The following UNC13A variants were observed in gnomAD, a reference collection of about 807,000 sequenced individuals.
UNC13A encodes unc-13 homolog A.
UNC13A carries 61 observed loss-of-function variants against 219.7 expected under a neutral mutation model. The observed-to-expected ratio is 0.28, with a 90% CI of 0.23 to 0.34. The LOEUF (loss-of-function observed/expected upper bound fraction) is 0.34, where lower values mean the gene tolerates loss of function less well. Ranked by LOEUF, UNC13A falls within the 10% of genes least tolerant of loss-of-function variation. The pLI, the probability that UNC13A is intolerant of heterozygous loss-of-function variation, is 1.00. For missense variants in UNC13A, 1,476 were observed against 2,270.3 expected, an observed-to-expected ratio of 0.65 and a Z score of 7.11; for synonymous variants, 920 against 884.6, an observed-to-expected ratio of 1.04 and a Z score of -0.71.
intron 35 of UNC13A, 85 bp downstream of exon 35, chr19:17,624,744 C>T (rs1479125426): frequency 2.0e-6 from 3 of 1,498,666 alleles, no homozygotes; most frequent in Middle Eastern, 2.3e-4. Context: ...TTTGTTCTTA[C>T]CCCCCAGCCT....
intron 20 of UNC13A, 62 bp from the exon 21 acceptor site, chr19:17,641,618 C>T (rs1351580661): frequency 1.5e-5 from 23 of 1,568,912 alleles, no homozygotes; most frequent in Admixed American, 3.4e-5. Flanking sequence ...GTCAGAGGTC[C>T]CAGGGTCTGG....
At position 17,656,114 on chromosome 19, in the gene UNC13A, A is replaced by ACCTCCTCCT. The variant is rs747948886; in HGVS notation, c.1043_1051dup (p.Glu348_Glu350dup). The ACCTCCTCCT allele has an allele frequency of 1.4e-6, 2 of 1,480,104 alleles. No homozygotes were observed. The highest frequency in any genetic ancestry group is 1.4e-5 in the African/African-American group (1 of 71,416). The allele number at this position is 1,480,104 out of a possible 1,614,324, so 91.7% of individuals were successfully genotyped here. A position where few individuals can be genotyped will look rare whatever the true frequency, so the allele number is the denominator to read the frequency against. On this transcript the variant is annotated inframe_insertion, in exon 10 of 44. Coordinates refer to ENST00000519716, the MANE Select transcript of UNC13A (RefSeq NM_001080421.3). ...GGCATAGCTGCCCAAATCGTCAGGC[A>ACCTCCTCCT]CCTCCTCCTCCTCCTCCTCCAGCTC...
chr19:17,658,329 C>T, intron 8 of UNC13A, 60 bp from the exon 9 acceptor site: 1 of 1,506,448 alleles, frequency 6.6e-7, no homozygotes, highest in Non-Finnish European at 9.1e-7. Context: ...ATGATGGGAG[C>T]CAATACAATT....
rs929734612 is a variant in UNC13A, at chr19:17,640,385, G to C, written c.2787+126C>G. 16 of 1,273,252 alleles carry C rather than the reference G, an allele frequency of 1.3e-5. No individual in the cohort carries two copies. The Admixed American group carries it at 4.1e-4, about 32-fold the overall frequency. The allele number at this position is 1,273,252 out of a possible 1,614,324, so 78.9% of individuals were successfully genotyped here. On this transcript the variant is annotated intron_variant, in intron 22 of 43. Coordinates refer to ENST00000519716, the MANE Select transcript of UNC13A (RefSeq NM_001080421.3). ...GAGGAATAAATGGAGGCTCAGAGAC[G>C]GGAAGTGACTGGTGGAAAGTCACAC...
intron 18 of UNC13A, 25 bp downstream of exon 18, chr19:17,645,945 G>A (rs763892285): frequency 6.2e-7 from 1 of 1,608,216 alleles, no homozygotes; most frequent in Non-Finnish European, 8.5e-7. Flanking sequence ...CCCACATGGG[G>A]CCAGGGACCC....
chr19:17,669,459 A>G, intron 5 of UNC13A, 94 bp downstream of exon 5: 1 of 1,484,812 alleles, frequency 6.7e-7, no homozygotes. Context: ...AGGGTCAGCT[A>G]GACCTACCCA....
rs1425450784 is a variant in UNC13A at position 17,674,312 on chromosome 19, G to A, written c.152+345C>T. Among the ~76,000 whole-genome samples, 1 of 152,214 alleles carries A rather than the reference G, an allele frequency of 6.6e-6. No homozygotes were observed. Among genetic ancestry groups the A allele is most frequent in the African/African-American group, 2.4e-5 (1 of 41,472 alleles). ...CTGTGGGTTTTATTGTGAGGTCGAT[G>A]AGCCACGGACAAGTTTGGAACATGG... On this transcript the variant is annotated intron_variant, in intron 3 of 43. Coordinates refer to ENST00000519716, the MANE Select transcript of UNC13A (RefSeq NM_001080421.3). This position sits in a 1 kb window ranked among gnomAD's most constrained non-coding sequence, Gnocchi z 5.0.
chr19:17,677,740 T>G (rs750916839), intron 1 of UNC13A, among the ~76,000 whole-genome samples: 36 of 152,150 alleles, frequency 2.4e-4, no homozygotes, highest in Non-Finnish European at 5.0e-4. Flanking sequence ...AGGCAATGCA[T>G]GCACATGTTG....
intron 31 of UNC13A, 34 bp downstream of exon 31, chr19:17,629,203 TGAG>T: frequency 1.9e-6 from 3 of 1,553,156 alleles, no homozygotes; most frequent in Non-Finnish European, 2.6e-6. Flanking sequence ...TGAATGGGGC[TGAG>T]GAGGGAGATA....
intron 1 of UNC13A, among the ~76,000 whole-genome samples, chr19:17,680,879 C>CTTT (rs2079996579): frequency 8.7e-5 from 7 of 80,168 alleles, no homozygotes; most frequent in Non-Finnish European, 1.3e-4. Context: ...CTTTTTTTTT[C>CTTT]TTTTCTTTTC....
rs1333240306 is a variant in UNC13A, at chr19:17,656,341, C to G, written c.825G>C (p.Gln275His). The G allele has an allele frequency of 7.1e-6, 11 of 1,558,610 alleles. No homozygotes were observed. The highest frequency in any genetic ancestry group is 1.4e-5 in the African/African-American group (1 of 73,536). ...CGTCAGGGTCGAAGTCCTCGCTCAG[C>G]TGAGAGCTTCCCTGGCTCAGCTCCC... ...SSGELSQGSS[Q>H]LSEDFDPDEH... The change falls in exon 10 of 44, where the codon CAG becomes CAC. Residue 275 changes from glutamine (Q) to histidine (H), a missense_variant. Gln to His is a conservative substitution (Grantham distance 24, BLOSUM62 0). This residue lies in a region of UNC13A where 351 missense variants were observed against 342.6 expected (regional missense o/e 1.02). Transcript: ENST00000519716.
At chr19:17,615,834 C>T (rs1462684433) in intron 41 of UNC13A, among the ~76,000 whole-genome samples, 1 of 152,040 alleles carries the variant, frequency 6.6e-6, no homozygotes, top group East Asian at 1.9e-4. Flanking sequence ...AATTAGCTAG[C>T]CATGTGACGT....
rs1754317911 is a variant in UNC13A, at chr19:17,611,690, T to C, written c.4651+73A>G. ...TTAAACAACAACAACAAAAAAAGGGTGTTGCTTAAGCCAGTTTGAGTTTGG... is the reference window on the plus strand; with the variant it reads ...TTAAACAACAACAACAAAAAAAGGGCGTTGCTTAAGCCAGTTTGAGTTTGG... On this transcript the variant is annotated intron_variant, in intron 42 of 43. Transcript: ENST00000519716. 3.3e-5 allele frequency: 44 copies of C among 1,350,182 alleles called. 1 individual carries two copies. The South Asian group carries it at 5.3e-4, about 16-fold the overall frequency. The allele number at this position is 1,350,182 out of a possible 1,614,324, so 83.6% of individuals were successfully genotyped here.
At chr19:17,612,729 A>G (rs1599827075) in intron 41 of UNC13A, among the ~76,000 whole-genome samples, 1 of 152,140 alleles carries the variant, frequency 6.6e-6, no homozygotes, top group East Asian at 1.9e-4. Flanking sequence ...TTGTAGCCCC[A>G]GCTACTCTGG....
Position 17,676,088 on chromosome 19 carries a change from GGGA to G in UNC13A, c.23-50_23-48del, listed in dbSNP as rs753290452. ...GGGAAGGGAGGTGGGGAGAGATGTG[GGGA>G]GGAGGAGGCAGAGATACGGAGAGAT... On this transcript the variant is annotated intron_variant, in intron 1 of 43. Transcript: ENST00000519716. 8.4e-6 allele frequency: 13 copies of G among 1,539,068 alleles called. No homozygotes were observed. In the South Asian group the frequency reaches 1.6e-4, roughly 18 times the overall value.
At chr19:17,641,616 T>G in intron 20 of UNC13A, 60 bp from the exon 21 acceptor site, 1 of 1,564,456 alleles carries the variant, frequency 6.4e-7, no homozygotes, top group Non-Finnish European at 8.8e-7. Context: ...GGGTCAGAGG[T>G]CCCAGGGTCT....
At position 17,656,336 on chromosome 19, in the gene UNC13A, C is replaced by A. The variant is rs866174191; in HGVS notation, c.830G>T (p.Ser277Ile). The part of the protein sequence containing the change: ...GELSQGSSQL[S>I]EDFDPDEHSL... ...GTGCTCGTCAGGGTCGAAGTCCTCGCTCAGCTGAGAGCTTCCCTGGCTCAG... is the reference window on the plus strand; with the variant it reads ...GTGCTCGTCAGGGTCGAAGTCCTCGATCAGCTGAGAGCTTCCCTGGCTCAG... The change falls in exon 10 of 44, where the codon AGC becomes ATC. Residue 277 changes from serine to isoleucine, a missense_variant. Ser to Ile is a moderately radical substitution (Grantham distance 142, BLOSUM62 -2). Around this residue, in one of 14 missense-constraint regions of UNC13A, gnomAD observed 351 missense variants for 342.6 expected, o/e 1.02. Coordinates refer to ENST00000519716, the MANE Select transcript of UNC13A (RefSeq NM_001080421.3). 3.8e-6 allele frequency: 6 copies of A among 1,559,246 alleles called. No individual in the cohort carries two copies. The highest frequency in any genetic ancestry group is 1.9e-5 in the Admixed American group (1 of 52,468).
chr19:17,671,370 G>A (rs1313888583), intron 4 of UNC13A, among the ~76,000 whole-genome samples: 1 of 152,160 alleles, frequency 6.6e-6, no homozygotes, highest in Non-Finnish European at 1.5e-5. Flanking sequence ...GATGGACAGG[G>A]GAGGACAGAT....
intron 8 of UNC13A, among the ~76,000 whole-genome samples, chr19:17,660,013 A>G (rs2079524372): frequency 6.6e-6 from 1 of 152,170 alleles, no homozygotes; most frequent in African/African-American, 2.4e-5. Context: ...CTCGCATCTC[A>G]GCCTCCACAG....
Sources: allele counts gnomAD v4.1 joint callset (sites outside exome capture counted in the v4.1 genomes callset), GRCh38; gene constraint gnomAD v4.1.1; regional missense constraint gnomAD v4.1.1; non-coding constraint Gnocchi (gnomAD v3.1); transcripts MANE v1.5; gene names NCBI Gene and HGNC (gene_info 2026-07-23, HGNC 2026-07-21).